Variants in ANO3 observed in about 807,000 individuals in gnomAD.
The protein encoded by ANO3 is anoctamin 3.
Under a neutral mutation model 144.8 loss-of-function variants are expected in ANO3, and 99 were observed. That is an observed-to-expected ratio of 0.68 (90% CI 0.58 to 0.81). The LOEUF (loss-of-function observed/expected upper bound fraction) is 0.81, where lower values mean the gene tolerates loss of function less well. ANO3 is among the 30% of genes least tolerant of loss of function. The pLI is 0.00. For missense variants in ANO3, 905 were observed against 1,202.2 expected (o/e 0.75, Z 3.66); for synonymous variants, 414 against 392.6 (o/e 1.05, Z -0.64).
intron 4 of ANO3, among the ~76,000 whole-genome samples, chr11:26,496,993 T>C (rs868277093): frequency 4.6e-5 from 6 of 129,792 alleles, no homozygotes; most frequent in Non-Finnish European, 6.5e-5. Flanking sequence ...TATATATATA[T>C]ATACACACAC....
At chr11:26,541,334 TA>T (rs1849638412) in intron 10 of ANO3, among the ~76,000 whole-genome samples, 1 of 151,992 alleles carries the variant, frequency 6.6e-6, no homozygotes, top group African/African-American at 2.4e-5. Context: ...TTAGGAGAAA[TA>T]CCTAATGCAG....
intron 14 of ANO3, among the ~76,000 whole-genome samples, chr11:26,596,162 ACTATTT>A (rs1307834839): frequency 2.7e-5 from 4 of 146,592 alleles, no homozygotes; most frequent in African/African-American, 4.9e-5. Flanking sequence ...TTTTTCCTTT[ACTATTT>A]CTATCTTTCT....
At chr11:26,457,636 A>C (rs1278381573) in intron 3 of ANO3, among the ~76,000 whole-genome samples, 3 of 152,172 alleles carry the variant, frequency 2.0e-5, no homozygotes, top group African/African-American at 7.2e-5. Context: ...AAAAACTGTA[A>C]CGGACTCACT....
At chr11:26,575,967 T>C (rs1259051767) in intron 14 of ANO3, among the ~76,000 whole-genome samples, 3 of 152,174 alleles carry the variant, frequency 2.0e-5, no homozygotes, top group Non-Finnish European at 2.9e-5. Flanking sequence ...AACAATACTT[T>C]CTTCAGAATG....
rs555348237 is a variant in ANO3, at chr11:26,199,980, T to C, written c.154+10650T>C. On this transcript the variant is annotated intron_variant, in intron 1 of 27. Transcript: ENST00000672621. ...TAGAAGGGAGCCTAAGTTTATCCAA[T>C]CAGAGTGAACTTTAAGGCTTTAGTT... is the stretch of plus-strand genomic sequence containing the variant. 1.6e-4 allele frequency among the ~76,000 whole-genome samples: 24 copies of C among 152,266 alleles called. No individual in the cohort carries two copies. In the East Asian group the frequency reaches 3.7e-3, roughly 23 times the overall value.
At chr11:26,266,657 A>G (rs183253547) in intron 1 of ANO3, among the ~76,000 whole-genome samples, 48 of 150,894 alleles carry the variant, frequency 3.2e-4, no homozygotes, top group Admixed American at 2.8e-3. Context: ...CTAGTCTCGA[A>G]CTCCTGACAT....
intron 1 of ANO3, among the ~76,000 whole-genome samples, chr11:26,403,431 A>C (rs1199467477): frequency 6.6e-6 from 1 of 151,966 alleles, no homozygotes; most frequent in Non-Finnish European, 1.5e-5. Flanking sequence ...ATGTGTGGCA[A>C]AATTCATCAG....
At chr11:26,538,107 G>C (rs892196819) in intron 10 of ANO3, among the ~76,000 whole-genome samples, 4 of 152,114 alleles carry the variant, frequency 2.6e-5, no homozygotes, top group African/African-American at 9.7e-5. Flanking sequence ...ATAATACAAG[G>C]CTGAGGAATT....
rs551759 is a variant in ANO3 at position 26,534,707 on chromosome 11, A to G, written c.976+145A>G. 323,785 of 442,504 alleles carry G rather than the reference A, an allele frequency of 0.73. 119,768 individuals are homozygous for G. The highest frequency in any genetic ancestry group is 0.86 in the East Asian group (23,795 of 27,750). The allele number at this position is 442,504 out of a possible 1,614,324, so 27.4% of individuals were successfully genotyped here. On this transcript the variant is annotated intron_variant, in intron 9 of 26. Coordinates refer to ENST00000256737, the MANE Select transcript of ANO3 (RefSeq NM_031418.4). ...TGAACACACACTCTATAAGCATTCCATTTTTCAGCCTTTTAATAAAACAAA... is the reference window on the plus strand; with the variant it reads ...TGAACACACACTCTATAAGCATTCCGTTTTTCAGCCTTTTAATAAAACAAA...
chr11:26,662,320 C>A lies in ANO3; in HGVS notation c.*1876C>A, dbSNP rs373121239. On this transcript the variant is annotated 3_prime_UTR_variant, in exon 27 of 27. Transcript: ENST00000256737. ...TCCAGAGAGGTTCTCATGCTCCCCC[C>A]CCTCCTTATTTGTAGCAATCGTAGC... The A allele has an allele frequency of 4.6e-5, 7 of 151,868 alleles. No homozygotes were observed. The East Asian group carries it at 5.8e-4, about 13-fold the overall frequency. 9.4% of individuals were successfully genotyped at this position (151,868 alleles called of 1,614,324 possible).
intron 1 of ANO3, among the ~76,000 whole-genome samples, chr11:26,345,733 T>A (rs957568488): frequency 3.3e-5 from 5 of 152,242 alleles, no homozygotes; most frequent in Admixed American, 6.5e-5. Flanking sequence ...TTGAAAGAAT[T>A]GCTTGTCTTA....
chr11:26,371,479 A>T (rs1856254501), intron 1 of ANO3, among the ~76,000 whole-genome samples: 1 of 152,184 alleles, frequency 6.6e-6, no homozygotes, highest in Non-Finnish European at 1.5e-5. Flanking sequence ...AGCCTAGTGG[A>T]GCTGTAAGAA....
chr11:26,563,085 G>A (rs1455180564), intron 14 of ANO3: 1 of 1,606,986 alleles, frequency 6.2e-7, no homozygotes, highest in Non-Finnish European at 8.5e-7. Context: ...AAACCACTGT[G>A]CCCAGGTGAA....
intron 1 of ANO3, among the ~76,000 whole-genome samples, chr11:26,257,410 A>T (rs888216936): frequency 2.0e-5 from 3 of 152,080 alleles, no homozygotes; most frequent in African/African-American, 7.2e-5. Context: ...GCTTCAAATC[A>T]CTAAGCAATG....
In ANO3 at chr11:26,613,170, T is replaced by A. The variant is rs1403187034; in HGVS notation, c.1837-11292T>A. 2.0e-5 allele frequency among the ~76,000 whole-genome samples: 3 copies of A among 152,174 alleles called. 1 individual carries two copies. The highest frequency in any genetic ancestry group is 4.8e-5 in the African/African-American group (2 of 41,466). On this transcript the variant is annotated intron_variant, in intron 17 of 26. Coordinates refer to ENST00000256737, the MANE Select transcript of ANO3 (RefSeq NM_031418.4). ...ACTTAATGGTGTTTCATAAGTCTCA[T>A]ACACTTTCTTTATTCTTATTTGTTT...
chr11:26,640,313 G>T (rs1278629236), intron 21 of ANO3, among the ~76,000 whole-genome samples: 1 of 152,056 alleles, frequency 6.6e-6, no homozygotes, highest in African/African-American at 2.4e-5. Context: ...CATCATAAAC[G>T]ACAGAACCTT....
At chr11:26,414,163 A>G (rs1857507310) in intron 1 of ANO3, among the ~76,000 whole-genome samples, 1 of 152,096 alleles carries the variant, frequency 6.6e-6, no homozygotes. Flanking sequence ...TAGTTAAACC[A>G]TTGTGGACGA....
Position 26,641,942 on chromosome 11 carries a change from C to T in ANO3, c.2188C>T (p.His730Tyr). 3 of 1,613,972 alleles carry T rather than the reference C, an allele frequency of 1.9e-6. No homozygotes were observed. Among genetic ancestry groups the T allele is most frequent in the Non-Finnish European group, 2.5e-6 (3 of 1,179,950 alleles). Residue 730 changes from histidine to tyrosine, a missense_variant, in exon 22 of 27, where the codon CAT becomes TAT. Physicochemically the swap from His to Tyr is moderately conservative, Grantham distance 83. This residue lies in a region of ANO3 where 597 missense variants were observed against 865.1 expected (regional missense o/e 0.69). Coordinates refer to ENST00000256737, the MANE Select transcript of ANO3 (RefSeq NM_031418.4). ...ACGACATAAAATCAAGCGGGGAATA[C>T]ATGATGCTTCCATACCTCAGTGGGA... The part of the protein sequence containing the change: ...WSRHKIKRGI[H>Y]DASIPQWEND...
intron 4 of ANO3, among the ~76,000 whole-genome samples, chr11:26,478,337 C>T (rs1209029618): frequency 6.6e-6 from 1 of 152,132 alleles, no homozygotes; most frequent in Non-Finnish European, 1.5e-5. Flanking sequence ...ATCACTCTAA[C>T]CTAGAATAGC....
Sources: gnomAD v4.1 joint callset for allele counts (sites outside exome capture counted in the v4.1 genomes callset) on GRCh38, gnomAD v4.1.1 for gene constraint, gnomAD v4.1.1 regional missense constraint, MANE v1.5 for transcripts, NCBI Gene and HGNC (gene_info 2026-07-23, HGNC 2026-07-21) for gene names.